The following CENPW variants were observed in gnomAD, a reference collection of about 807,000 sequenced individuals.
CENPW encodes the protein centromere protein W.
CENPW carries 3 observed loss-of-function variants against 11.1 expected under a neutral mutation model. That is an observed-to-expected ratio of 0.27 (90% CI 0.12 to 0.70). The LOEUF is 0.70. Among genes scored for constraint, CENPW ranks in the 30% least tolerant of loss-of-function variants. CENPW has a pLI of 0.77. For synonymous variants in CENPW, 38 were observed against 42.0 expected, an observed-to-expected ratio of 0.91 and a Z score of 0.37; for missense variants, 100 against 105.6, an observed-to-expected ratio of 0.95 and a Z score of 0.23.
chr6:126,434,214 A>G, the CENPW span, among the ~76,000 whole-genome samples: 2 of 152,092 alleles, frequency 1.3e-5, no homozygotes, highest in Non-Finnish European at 1.5e-5. Flanking sequence ...TTTGAATGGT[A>G]GTTTGCTTGA....
the CENPW span, among the ~76,000 whole-genome samples, chr6:126,358,350 G>T: frequency 3.3e-5 from 5 of 152,146 alleles, no homozygotes; most frequent in Non-Finnish European, 5.9e-5. Flanking sequence ...GTTTGTCATA[G>T]ATAGCTATTG....
the CENPW span, among the ~76,000 whole-genome samples, chr6:126,457,136 G>T: frequency 6.6e-6 from 1 of 151,306 alleles, no homozygotes; most frequent in East Asian, 2.0e-4. Context: ...GTAATGTAGC[G>T]ATCTCCAAAA....
the CENPW span, among the ~76,000 whole-genome samples, chr6:126,421,900 A>G: frequency 1.3e-5 from 2 of 152,118 alleles, no homozygotes; most frequent in East Asian, 1.9e-4. Flanking sequence ...TTTAATCATC[A>G]TGGTTATCTA....
the CENPW span, among the ~76,000 whole-genome samples, chr6:126,415,729 A>G: frequency 6.6e-6 from 1 of 152,136 alleles, no homozygotes; most frequent in African/African-American, 2.4e-5. Flanking sequence ...GTTTCCCTGC[A>G]TACGCTCTAT....
the CENPW span, among the ~76,000 whole-genome samples, chr6:126,444,362 C>A: frequency 6.6e-6 from 1 of 150,882 alleles, no homozygotes; most frequent in Middle Eastern, 3.4e-3. Context: ...TCATCACTTT[C>A]TTTTAAGTTG....
intron 2 of CENPW, 58 bp from the exon 3 acceptor site, chr6:126,348,408 G>T (rs1344649192): frequency 1.1e-6 from 1 of 942,222 alleles, no homozygotes; most frequent in African/African-American, 1.7e-5. Context: ...TTTTGTTAAG[G>T]AATGATGTTT....
chr6:126,392,320 T>C, the CENPW span, among the ~76,000 whole-genome samples: 1 of 151,898 alleles, frequency 6.6e-6, no homozygotes, highest in African/African-American at 2.4e-5. Flanking sequence ...TCAAATTGTT[T>C]GCAGTTGGCA....
At chr6:126,411,154 C>T in the CENPW span, among the ~76,000 whole-genome samples, 37 of 152,230 alleles carry the variant, frequency 2.4e-4, no homozygotes, top group Middle Eastern at 3.4e-3. Flanking sequence ...CTTTCACTTG[C>T]AGTTGGGCTT....
the CENPW span, among the ~76,000 whole-genome samples, chr6:126,434,680 C>G: frequency 6.6e-6 from 1 of 151,972 alleles, no homozygotes; most frequent in Admixed American, 6.6e-5. Flanking sequence ...TCATTGAATA[C>G]AGAGCTTCAC....
the CENPW span, among the ~76,000 whole-genome samples, chr6:126,361,401 G>A: frequency 1.3e-5 from 2 of 152,050 alleles, no homozygotes; most frequent in African/African-American, 4.8e-5. Flanking sequence ...CTGGGTTGAT[G>A]CTTTCTTCCT....
At chr6:126,424,222 T>A in the CENPW span, among the ~76,000 whole-genome samples, 1 of 152,142 alleles carries the variant, frequency 6.6e-6, no homozygotes, top group Non-Finnish European at 1.5e-5. Flanking sequence ...ATTCGGGTCC[T>A]ATTCTGAAGA....
the CENPW span, among the ~76,000 whole-genome samples, chr6:126,385,332 A>C: frequency 6.6e-6 from 1 of 152,176 alleles, no homozygotes; most frequent in East Asian, 1.9e-4. Context: ...TGCTATTCAC[A>C]ATAGCAAAGA....
the CENPW span, among the ~76,000 whole-genome samples, chr6:126,409,076 TA>T: frequency 6.6e-6 from 1 of 152,138 alleles, no homozygotes; most frequent in Non-Finnish European, 1.5e-5. Context: ...TTTTTTGGTG[TA>T]GGTACTTATT....
chr6:126,472,101 C>T, the CENPW span, among the ~76,000 whole-genome samples: 8 of 152,102 alleles, frequency 5.3e-5, no homozygotes, highest in Non-Finnish European at 8.8e-5. Flanking sequence ...TTATAAGCTT[C>T]GCCAATATTA....
the CENPW span, among the ~76,000 whole-genome samples, chr6:126,428,736 A>G: frequency 6.6e-6 from 1 of 152,188 alleles, no homozygotes; most frequent in Non-Finnish European, 1.5e-5. Context: ...ACCACTATAA[A>G]GTACTTTGCT....
chr6:126,346,056 A>G lies in CENPW; in HGVS notation c.127-149A>G, dbSNP rs2128289877. 8.3e-6 allele frequency: 4 copies of G among 484,714 alleles called. 1 individual carries two copies. In the South Asian group the frequency reaches 1.6e-4, roughly 20 times the overall value. The allele number at this position is 484,714 out of a possible 1,614,324, so 30.0% of individuals were successfully genotyped here. Reference sequence around the variant, plus strand: ...CTAAGATGGACTTATATTAGACTGAATTCTATGTAATTTTAAATAGAAGAG... The same window carrying G: ...CTAAGATGGACTTATATTAGACTGAGTTCTATGTAATTTTAAATAGAAGAG... On this transcript the variant is annotated intron_variant, in intron 1 of 2. Transcript: ENST00000368328.
chr6:126,468,013 G>A, the CENPW span, among the ~76,000 whole-genome samples: 5 of 152,062 alleles, frequency 3.3e-5, no homozygotes, highest in Admixed American at 6.6e-5. Flanking sequence ...TACAAAATAC[G>A]CAACCAGTAC....
At chr6:126,458,822 G>T in the CENPW span, among the ~76,000 whole-genome samples, 1 of 151,272 alleles carries the variant, frequency 6.6e-6, no homozygotes, top group South Asian at 2.1e-4. Context: ...GATGTCTCAG[G>T]GAATTAGAAT....
the CENPW span, among the ~76,000 whole-genome samples, chr6:126,435,291 G>T: frequency 5.3e-5 from 8 of 151,738 alleles, no homozygotes; most frequent in African/African-American, 1.9e-4. Context: ...TTTTTATAAT[G>T]CTCTTGAATG....
Sources: gnomAD v4.1 joint callset for allele counts (sites outside exome capture counted in the v4.1 genomes callset) on GRCh38, gnomAD v4.1.1 for gene constraint, MANE v1.5 for transcripts, NCBI Gene and HGNC (gene_info 2026-07-23, HGNC 2026-07-21) for gene names.